BRINP1: variants seen among roughly 807,000 people sequenced by gnomAD.
BRINP1 encodes BMP/retinoic acid-inducible neural-specific protein 1.
In BRINP1, 17 loss-of-function variants were observed where a neutral mutation model predicts 72.9. The ratio of observed to expected loss-of-function variants is 0.23; its 90% CI spans 0.16 to 0.35. The LOEUF (loss-of-function observed/expected upper bound fraction) is 0.35, where lower values mean the gene tolerates loss of function less well. Among genes scored for constraint, BRINP1 ranks in the 10% least tolerant of loss-of-function variants. BRINP1 has a pLI of 1.00. For missense variants in BRINP1, 850 were observed against 1,001.6 expected (o/e 0.85, Z 2.04); for synonymous variants, 418 against 378.5 (o/e 1.10, Z -1.21).
chr9:119,270,761 T>A (rs544150469), intron 2 of BRINP1, among the ~76,000 whole-genome samples: 167 of 152,220 alleles, frequency 1.1e-3, no homozygotes, highest in South Asian at 4.6e-3. Context: ...AGTTGACAAA[T>A]CTAGATTTGG....
chr9:119,223,531 G>T (rs772608111), intron 5 of BRINP1, among the ~76,000 whole-genome samples: 53 of 152,178 alleles, frequency 3.5e-4, no homozygotes, highest in Non-Finnish European at 5.9e-4. Flanking sequence ...AGTATCATAT[G>T]TGTGCTCATG....
chr9:119,277,350 G>A (rs1830668006), intron 2 of BRINP1, among the ~76,000 whole-genome samples: 1 of 152,148 alleles, frequency 6.6e-6, no homozygotes, highest in Non-Finnish European at 1.5e-5. Context: ...GGCATTGGTT[G>A]GTCAAAGTCA....
At chr9:119,219,546 A>G (rs560200752) in intron 5 of BRINP1, among the ~76,000 whole-genome samples, 4 of 150,162 alleles carry the variant, frequency 2.7e-5, no homozygotes, top group Non-Finnish European at 5.9e-5. Flanking sequence ...CTTCTTTCAC[A>G]CATATTCCTG....
At position 119,208,814 on chromosome 9, in the gene BRINP1, C is replaced by A. The variant is rs1299543938; in HGVS notation, c.1050G>T (p.Glu350Asp). 6.2e-7 allele frequency: 1 copy of A among 1,614,180 alleles called. No individual in the cohort carries two copies. Among genetic ancestry groups the A allele is most frequent in the Middle Eastern group, 1.7e-4 (1 of 6,058 alleles). ...TGCGTTGGATCTTTTGTCTCTGTGC[C>A]TCCGTGGCACTCTGCAGGAGCTTGT... is the stretch of plus-strand genomic sequence containing the variant. ...NRYKLLQSAT[E>D]AQRQKIQRTA... Residue 350 changes from glutamate (E) to aspartate (D), a missense_variant, in exon 7 of 8, where the codon GAG becomes GAT. Glu to Asp is a conservative substitution (Grantham distance 45, BLOSUM62 2). Transcript: ENST00000265922.
chr9:119,212,489 G>C (rs1477890709), intron 6 of BRINP1, among the ~76,000 whole-genome samples: 1 of 152,148 alleles, frequency 6.6e-6, no homozygotes, highest in Non-Finnish European at 1.5e-5. Context: ...GTGAGCACTA[G>C]ATTTGGAATC....
intron 1 of BRINP1, among the ~76,000 whole-genome samples, chr9:119,320,733 G>C (rs575970528): frequency 7.2e-5 from 11 of 152,152 alleles, no homozygotes; most frequent in South Asian, 6.2e-4. Flanking sequence ...GGACAGGGTG[G>C]GTTCAATGCT....
chr9:119,349,497 C>T (rs1831482627), intron 1 of BRINP1, among the ~76,000 whole-genome samples: 2 of 152,116 alleles, frequency 1.3e-5, no homozygotes, highest in Non-Finnish European at 2.9e-5. Flanking sequence ...AACCGAGATG[C>T]GTTACAAGGA....
At chr9:119,355,459 TG>T (rs1033201798) in intron 1 of BRINP1, among the ~76,000 whole-genome samples, 2 of 152,146 alleles carry the variant, frequency 1.3e-5, no homozygotes, top group African/African-American at 4.8e-5. Context: ...CCGGGCACGG[TG>T]GCTCACGCCT....
At chr9:119,183,147 A>G (rs545892647) in intron 7 of BRINP1, among the ~76,000 whole-genome samples, 1 of 152,360 alleles carries the variant, frequency 6.6e-6, no homozygotes, top group East Asian at 1.9e-4. Flanking sequence ...ATATGAATAC[A>G]GTACATCCCA....
chr9:119,321,122 A>G (rs1831182131), intron 1 of BRINP1, among the ~76,000 whole-genome samples: 2 of 152,120 alleles, frequency 1.3e-5, no homozygotes, highest in Non-Finnish European at 2.9e-5. Context: ...TAGTAGAGAC[A>G]GGGTTTCACC....
intron 1 of BRINP1, among the ~76,000 whole-genome samples, chr9:119,322,523 T>A (rs1156340678): frequency 2.0e-5 from 3 of 152,202 alleles, no homozygotes; most frequent in Admixed American, 6.5e-5. Flanking sequence ...CCAGCAGCGC[T>A]GTTACCAAGC....
Position 119,167,945 on chromosome 9 carries a change from G to C in BRINP1, c.1425C>G (p.Ile475Met), listed in dbSNP as rs1242649603. 4 of 1,614,122 alleles carry C rather than the reference G, an allele frequency of 2.5e-6. No individual in the cohort carries two copies. The highest frequency in any genetic ancestry group is 3.4e-6 in the Non-Finnish European group (4 of 1,180,056). ...NVDSERSEQF[I>M]SFETDLDFQD... is the part of the protein sequence containing the mutation. Reference sequence around the variant, plus strand: ...GGAAGTCCAGGTCAGTCTCAAAGCTGATGAACTGCTCGCTCCGCTCCGAGT... The same window carrying C: ...GGAAGTCCAGGTCAGTCTCAAAGCTCATGAACTGCTCGCTCCGCTCCGAGT... Residue 475 changes from isoleucine to methionine, a missense_variant, in exon 8 of 8, where the codon ATC (isoleucine) becomes ATG (methionine). By Grantham distance (10) the Ile-to-Met change is conservative. Transcript: ENST00000265922. The surrounding 1 kb of genome is among the most constrained non-coding windows in gnomAD (Gnocchi z 4.3).
chr9:119,294,933 C>T (rs1035360793), intron 2 of BRINP1, among the ~76,000 whole-genome samples: 5 of 149,630 alleles, frequency 3.3e-5, no homozygotes, highest in African/African-American at 1.2e-4. Context: ...TTAAAATGTC[C>T]ATAATACCCA....
intron 1 of BRINP1, among the ~76,000 whole-genome samples, chr9:119,362,799 A>T (rs2119045270): frequency 6.6e-6 from 1 of 152,360 alleles, no homozygotes; most frequent in Admixed American, 6.5e-5. Flanking sequence ...GAAAACTTGT[A>T]GAAATTACTG....
At chr9:119,326,503 A>G (rs532100175) in intron 1 of BRINP1, among the ~76,000 whole-genome samples, 17 of 152,338 alleles carry the variant, frequency 1.1e-4, no homozygotes, top group Non-Finnish European at 2.2e-4. Flanking sequence ...TTTATTAACA[A>G]TATAAACCTA....
intron 1 of BRINP1, among the ~76,000 whole-genome samples, chr9:119,342,123 C>T (rs917819832): frequency 2.0e-5 from 3 of 151,954 alleles, no homozygotes; most frequent in Non-Finnish European, 4.4e-5. Context: ...CTTGGATAGG[C>T]AAGAATATAG....
intron 5 of BRINP1, among the ~76,000 whole-genome samples, chr9:119,217,765 G>A (rs1451346670): frequency 6.6e-6 from 1 of 152,006 alleles, no homozygotes; most frequent in East Asian, 1.9e-4. Flanking sequence ...CACATGATGG[G>A]ATATCTCTAT....
chr9:119,355,718 G>C (rs1210761582), intron 1 of BRINP1, among the ~76,000 whole-genome samples: 1 of 138,824 alleles, frequency 7.2e-6, no homozygotes, highest in Admixed American at 7.5e-5. Flanking sequence ...GACAGAGCAA[G>C]ACTCCGTCTC....
intron 2 of BRINP1, among the ~76,000 whole-genome samples, chr9:119,291,753 G>A (rs1037263600): frequency 6.6e-6 from 1 of 152,256 alleles, no homozygotes; most frequent in Non-Finnish European, 1.5e-5. Flanking sequence ...CTTTCACACA[G>A]CCTTGTCTCC....
Sources: allele counts gnomAD v4.1 joint callset (sites outside exome capture counted in the v4.1 genomes callset), GRCh38; gene constraint gnomAD v4.1.1; non-coding constraint Gnocchi (gnomAD v3.1); transcripts MANE v1.5; gene names NCBI Gene and HGNC (gene_info 2026-07-23, HGNC 2026-07-21).